Variants in EML1 observed in about 807,000 individuals in gnomAD.
EML1 encodes echinoderm microtubule-associated protein-like 1.
In EML1, 27 loss-of-function variants were observed where a neutral mutation model predicts 110.4. The ratio of observed to expected loss-of-function variants is 0.24; its 90% CI spans 0.18 to 0.34. The LOEUF is 0.34. Among genes scored for constraint, EML1 ranks in the 10% least tolerant of loss-of-function variants. The pLI is 1.00. For synonymous variants in EML1, 344 were observed against 385.8 expected (o/e 0.89, Z 1.27); for missense variants, 741 against 1,030.9 (o/e 0.72, Z 3.85).
At chr14:99,763,243 C>G (rs2057333449) in intron 1 of EML1, among the ~76,000 whole-genome samples, 1 of 152,128 alleles carries the variant, frequency 6.6e-6, no homozygotes. Context: ...TGTAAATTGC[C>G]CAGTCTCAGG....
At chr14:99,789,192 C>T (rs1273517226), upstream of EML1, among the ~76,000 whole-genome samples, 1 of 151,944 alleles carries the variant, frequency 6.6e-6, no homozygotes. Flanking sequence ...TTTTCTATTT[C>T]TTTCTTTCTT....
At chr14:99,847,562 C>T (rs2058726702) in intron 1 of EML1, among the ~76,000 whole-genome samples, 1 of 152,024 alleles carries the variant, frequency 6.6e-6, no homozygotes, top group South Asian at 2.1e-4. Flanking sequence ...ACCACCCAAG[C>T]TTTTATTTAT....
At chr14:99,875,497 A>C (rs907787805) in intron 3 of EML1, among the ~76,000 whole-genome samples, 1 of 152,142 alleles carries the variant, frequency 6.6e-6, no homozygotes, top group Non-Finnish European at 1.5e-5. Context: ...TTAGAAAATC[A>C]GTTAGTGTTT....
upstream of EML1, among the ~76,000 whole-genome samples, chr14:99,790,119 CTTCT>C (rs2057647685): frequency 6.6e-6 from 1 of 152,056 alleles, no homozygotes; most frequent in Non-Finnish European, 1.5e-5. Context: ...GAGCAATGAT[CTTCT>C]TTATCATCTC....
intron 1 of EML1, among the ~76,000 whole-genome samples, chr14:99,762,796 T>C (rs2057328416): frequency 6.6e-6 from 1 of 152,106 alleles, no homozygotes; most frequent in Non-Finnish European, 1.5e-5. Flanking sequence ...TGAAACACTG[T>C]CTAAAAGTAA....
At chr14:99,769,173 T>C (rs141495837), upstream of EML1, among the ~76,000 whole-genome samples, 538 of 152,276 alleles carry the variant, frequency 3.5e-3, 8 homozygotes, top group South Asian at 0.024. Context: ...TGGTCCTCCT[T>C]TCTCAGCCAG....
intron 1 of EML1, among the ~76,000 whole-genome samples, chr14:99,743,224 G>A (rs1259375371): frequency 6.6e-6 from 1 of 152,180 alleles, no homozygotes; most frequent in Non-Finnish European, 1.5e-5. Flanking sequence ...GGATTCCCAG[G>A]CACAGGTCGA....
At position 99,939,123 on chromosome 14, in the gene EML1, G is replaced by T; in HGVS notation, c.2192-74G>T. The T allele has an allele frequency of 6.3e-7, 1 of 1,575,200 alleles. No individual in the cohort carries two copies. Among genetic ancestry groups the T allele is most frequent in the Non-Finnish European group, 8.6e-7 (1 of 1,162,302 alleles). On this transcript the variant is annotated intron_variant, in intron 20 of 21. Transcript: ENST00000262233. This position sits in a 1 kb window ranked among gnomAD's most constrained non-coding sequence, Gnocchi z 4.2. ...GCAGTTTCATGTTCAGGACCGTTCA[G>T]TGGGCGCTTCCTGCGCCATGTGGCC...
intron 19 of EML1, among the ~76,000 whole-genome samples, chr14:99,937,035 C>A (rs1431767187): frequency 6.6e-6 from 1 of 152,226 alleles, no homozygotes; most frequent in African/African-American, 2.4e-5. Context: ...ACCTACAGCA[C>A]TTTCTGGCTT....
Position 99,905,529 on chromosome 14 carries a change from C to T in EML1, c.1009-2109C>T, listed in dbSNP as rs72710048. 0.019 allele frequency among the ~76,000 whole-genome samples: 2,963 copies of T among 152,300 alleles called. 43 individuals are homozygous for T. The highest frequency in any genetic ancestry group is 0.031 in the Non-Finnish European group (2,107 of 68,012). On this transcript the variant is annotated intron_variant, in intron 9 of 21. Coordinates refer to ENST00000262233, the MANE Select transcript of EML1 (RefSeq NM_004434.3). This position sits in a 1 kb window ranked among gnomAD's most constrained non-coding sequence, Gnocchi z 4.1. ...GACACTGAAAAGTTCAGGTGGCTGC[C>T]TGTTGATAACGAAGGGATCTTTCCC...
chr14:99,910,485 GCA>G, intron 12 of EML1, 144 bp downstream of exon 12: 4 of 614,940 alleles, frequency 6.5e-6, no homozygotes, highest in Non-Finnish European at 8.2e-6. Context: ...ATACATGTGT[GCA>G]TGTGTAACTT....
At position 99,863,725 on chromosome 14, in the gene EML1, T is replaced by G. The variant is rs1313841964; in HGVS notation, c.251-1789T>G. ...ATGGATGGGTCAGTTTGTTTATCTG[T>G]TCACCTATCAGAGGACATCTTGGTC... is the stretch of plus-strand genomic sequence containing the variant. On this transcript the variant is annotated intron_variant, in intron 2 of 21. Coordinates refer to ENST00000262233, the MANE Select transcript of EML1 (RefSeq NM_004434.3). Among the ~76,000 whole-genome samples the G allele has an allele frequency of 2.6e-5, 4 of 152,262 alleles. No homozygotes were observed. The East Asian group carries it at 7.7e-4, about 29-fold the overall frequency.
rs1226899770 is a variant in EML1 at position 99,796,308 on chromosome 14, C to G, written c.67+2765C>G. Among the ~76,000 whole-genome samples the G allele has an allele frequency of 2.0e-5, 3 of 151,664 alleles. 1 individual carries two copies. Among genetic ancestry groups the G allele is most frequent in the South Asian group, 4.2e-4 (2 of 4,798 alleles). Reference sequence around the variant, plus strand: ...GAAATTTCTGTCTTCTCTTATACTTCTTTCTTGGTGTCTCTCCTCATAATT... The same window carrying G: ...GAAATTTCTGTCTTCTCTTATACTTGTTTCTTGGTGTCTCTCCTCATAATT... On this transcript the variant is annotated intron_variant, in intron 1 of 21. Coordinates refer to ENST00000262233, the MANE Select transcript of EML1 (RefSeq NM_004434.3).
At chr14:99,744,170 G>A (rs1415579653) in intron 1 of EML1, among the ~76,000 whole-genome samples, 1 of 152,020 alleles carries the variant, frequency 6.6e-6, no homozygotes, top group Non-Finnish European at 1.5e-5. Context: ...GAATGGGATC[G>A]GGATGCTCCA....
At chr14:99,739,116 G>GAA (rs2057009573) in intron 1 of EML1, among the ~76,000 whole-genome samples, 1 of 67,496 alleles carries the variant, frequency 1.5e-5, no homozygotes, top group African/African-American at 4.5e-5. Flanking sequence ...GAGAGAGAGA[G>GAA]AGAGTGTGTG....
chr14:99,908,157 G>A (rs566081986), intron 10 of EML1, among the ~76,000 whole-genome samples: 7 of 152,328 alleles, frequency 4.6e-5, no homozygotes, highest in African/African-American at 1.2e-4. Context: ...GGCAGGGGCC[G>A]CCAGCACGGG....
chr14:99,768,476 G>A (rs374906447), upstream of EML1, among the ~76,000 whole-genome samples: 110 of 152,310 alleles, frequency 7.2e-4, no homozygotes, highest in African/African-American at 2.2e-3. Context: ...CAGAGACACA[G>A]AGCAGCATGA....
At chr14:99,748,086 G>A (rs951479844) in intron 1 of EML1, among the ~76,000 whole-genome samples, 5 of 152,164 alleles carry the variant, frequency 3.3e-5, no homozygotes, top group East Asian at 1.9e-4. Flanking sequence ...GAATTCGCCC[G>A]GGATGCCCGG....
At chr14:99,923,830 T>G (rs1354296880) in intron 17 of EML1, among the ~76,000 whole-genome samples, 1 of 152,230 alleles carries the variant, frequency 6.6e-6, no homozygotes, top group Non-Finnish European at 1.5e-5. Context: ...TTTTGAAATT[T>G]TTTTGTAGAC....
Sources: gnomAD v4.1 joint callset for allele counts (sites outside exome capture counted in the v4.1 genomes callset) on GRCh38, gnomAD v4.1.1 for gene constraint, Gnocchi (gnomAD v3.1) non-coding constraint, MANE v1.5 for transcripts, NCBI Gene and HGNC (gene_info 2026-07-23, HGNC 2026-07-21) for gene names.